SPART: variants seen among roughly 807,000 people sequenced by gnomAD.
SPART encodes the protein spartin.
In SPART, 35 loss-of-function variants were observed where a neutral mutation model predicts 58.7. The observed-to-expected ratio is 0.60, with a 90% CI of 0.46 to 0.79. SPART has a LOEUF of 0.79. SPART is among the 30% of genes least tolerant of loss of function. SPART has a pLI of 0.00. For missense variants in SPART, 730 were observed against 786.1 expected, an observed-to-expected ratio of 0.93 and a Z score of 0.85; for synonymous variants, 284 against 280.7, an observed-to-expected ratio of 1.01 and a Z score of -0.12.
intron 2 of SPART, 84 bp from the exon 3 acceptor site, chr13:36,331,680 T>A (rs1883480357): frequency 6.7e-6 from 7 of 1,037,214 alleles, no homozygotes; most frequent in Non-Finnish European, 9.8e-6. Flanking sequence ...AAAATTGTTA[T>A]ACTAGAAAAT....
chr13:36,352,010 G>A lies in SPART; in HGVS notation c.-2-16178C>T, dbSNP rs146467129. On this transcript the variant is annotated intron_variant, in intron 1 of 8. Coordinates refer to the SPART transcript ENST00000355182. ...TTAGGTTATCACTAATGATATAACC[G>A]AATTGCTCCAAGCTCATGTTGAAAT... Among the ~76,000 whole-genome samples the A allele has an allele frequency of 2.7e-3, 409 of 152,174 alleles. 3 individuals carry two copies. The highest frequency in any genetic ancestry group is 9.3e-3 in the African/African-American group (387 of 41,512).
intron 1 of SPART, chr13:36,345,637 G>A (rs1885026847): frequency 6.6e-6 from 1 of 152,220 alleles, no homozygotes; most frequent in Non-Finnish European, 1.5e-5. Flanking sequence ...CGCATTCCAA[G>A]AGAAACTTTT....
chr13:36,349,411 G>A (rs1299540160), upstream of SPART, among the ~76,000 whole-genome samples: 2 of 152,190 alleles, frequency 1.3e-5, no homozygotes, highest in Admixed American at 1.3e-4. Context: ...TCGTACTACT[G>A]ACTGCAGAAT....
chr13:36,324,899 G>T (rs964279335), intron 5 of SPART, among the ~76,000 whole-genome samples: 1 of 152,132 alleles, frequency 6.6e-6, no homozygotes, highest in Admixed American at 6.5e-5. Flanking sequence ...GGTGCTCAGT[G>T]GGGGAGCTTT....
At chr13:36,322,076 T>A (rs2137423092) in intron 5 of SPART, among the ~76,000 whole-genome samples, 1 of 152,212 alleles carries the variant, frequency 6.6e-6, no homozygotes, top group Admixed American at 6.5e-5. Flanking sequence ...GCCCCACCCT[T>A]ATCTCCCTTT....
chr13:36,338,480 T>C (rs1171427808), intron 1 of SPART, among the ~76,000 whole-genome samples: 3 of 152,078 alleles, frequency 2.0e-5, no homozygotes, highest in African/African-American at 7.2e-5. Flanking sequence ...AATCTTCCTA[T>C]GGAAAGGAAG....
chr13:36,311,844 T>C (rs1250799573), intron 8 of SPART, among the ~76,000 whole-genome samples: 1 of 152,102 alleles, frequency 6.6e-6, no homozygotes, highest in Non-Finnish European at 1.5e-5. Context: ...TCCCAGCACT[T>C]TGGGAGGCTG....
At chr13:36,331,974 ATAT>A (rs1883506307) in intron 2 of SPART, among the ~76,000 whole-genome samples, 1 of 152,224 alleles carries the variant, frequency 6.6e-6, no homozygotes, top group Admixed American at 6.5e-5. Context: ...CTATTTTCAG[ATAT>A]TATTTACTTG....
At chr13:36,346,460 G>C (rs1421199143), upstream of SPART, 3 of 152,436 alleles carry the variant, frequency 2.0e-5, no homozygotes, top group African/African-American at 2.4e-5. Context: ...CGTCGGCCTC[G>C]CTCCCGCCAC....
At chr13:36,347,907 GA>G (rs1885244717), upstream of SPART, among the ~76,000 whole-genome samples, 1 of 152,096 alleles carries the variant, frequency 6.6e-6, no homozygotes, top group Non-Finnish European at 1.5e-5. Context: ...GCTTTTAACA[GA>G]AGGAAATTTT....
At chr13:36,304,773 A>T in intron 8 of SPART, 141 bp from the exon 9 acceptor site, 1 of 828,136 alleles carries the variant, frequency 1.2e-6, no homozygotes, top group Non-Finnish European at 1.9e-6. Flanking sequence ...TTAATTAATA[A>T]CTTAAAACAC....
intron 1 of SPART, 103 bp from the exon 2 acceptor site, chr13:36,335,935 ATC>A: frequency 3.2e-6 from 3 of 935,158 alleles, no homozygotes; most frequent in East Asian, 4.9e-5. Flanking sequence ...TGCCTCGCTT[ATC>A]TCTGTTTTGT....
intron 8 of SPART, among the ~76,000 whole-genome samples, chr13:36,310,823 A>T (rs2137302246): frequency 6.6e-6 from 1 of 151,726 alleles, no homozygotes; most frequent in East Asian, 2.0e-4. Context: ...AGGCAGTCAC[A>T]CAAATCACCT....
chr13:36,367,547 T>C (rs1051926968), intron 1 of SPART, among the ~76,000 whole-genome samples: 6 of 152,170 alleles, frequency 3.9e-5, no homozygotes, highest in Non-Finnish European at 8.8e-5. Context: ...ACAGGGGAGC[T>C]TCTTCCTTCT....
At chr13:36,340,658 G>A (rs928473093) in intron 1 of SPART, among the ~76,000 whole-genome samples, 3 of 152,092 alleles carry the variant, frequency 2.0e-5, no homozygotes, top group African/African-American at 7.2e-5. Flanking sequence ...TCCCAAGACT[G>A]ATGATGAGTT....
chr13:36,326,853 A>G (rs964614066), intron 4 of SPART, among the ~76,000 whole-genome samples, 155 bp from the exon 5 acceptor site: 1 of 152,130 alleles, frequency 6.6e-6, no homozygotes, highest in African/African-American at 2.4e-5. Flanking sequence ...CTTATAAAGT[A>G]CAATACCAGA....
intron 1 of SPART, among the ~76,000 whole-genome samples, chr13:36,339,627 C>CAAAAAAAAAAAAAAAAAAAAA (rs71084420): frequency 5.2e-5 from 2 of 38,808 alleles, no homozygotes; most frequent in Non-Finnish European, 8.3e-5. Context: ...ACGACTCCAT[C>CAAAAAAAAAAAAAAAAAAAAA]AAAAAAAAAA....
At chr13:36,331,265 G>T in intron 3 of SPART, 134 bp downstream of exon 3, 1 of 815,906 alleles carries the variant, frequency 1.2e-6, no homozygotes, top group Non-Finnish European at 2.1e-6. Context: ...ATGTAGTTGT[G>T]AACACACAAA....
rs183333842 is a variant in SPART, at chr13:36,314,485, T to C, written c.1289-64A>G. On this transcript the variant is annotated intron_variant, in intron 5 of 8. Transcript: ENST00000438666. ...CTAATTATGCTTTTGAACACTTTAA[T>C]AAATAACATCAACCAGAAAAAAATA... 2.8e-6 allele frequency: 4 copies of C among 1,448,634 alleles called. No individual in the cohort carries two copies. In the Admixed American group the frequency reaches 6.7e-5, roughly 24 times the overall value. The allele number at this position is 1,448,634 out of a possible 1,614,324, so 89.7% of individuals were successfully genotyped here.
Sources: allele counts gnomAD v4.1 joint callset (sites outside exome capture counted in the v4.1 genomes callset), GRCh38; gene constraint gnomAD v4.1.1; transcripts MANE v1.5; gene names NCBI Gene and HGNC (gene_info 2026-07-23, HGNC 2026-07-21).